Variants in LRRC4C observed in about 807,000 individuals in gnomAD.
LRRC4C encodes leucine rich repeat containing 4C.
Under a neutral mutation model 33.6 loss-of-function variants are expected in LRRC4C, and 5 were observed. That is an observed-to-expected ratio of 0.15 (90% CI 0.08 to 0.31). The LOEUF is 0.31. Among genes scored for constraint, LRRC4C ranks in the 10% least tolerant of loss-of-function variants. LRRC4C has a pLI of 1.00. For missense variants in LRRC4C, 560 were observed against 796.7 expected (o/e 0.70, Z 3.58); for synonymous variants, 329 against 302.0 (o/e 1.09, Z -0.93).
At chr11:40,166,882 CAT>C (rs1404625047) in intron 5 of LRRC4C, among the ~76,000 whole-genome samples, 1 of 152,012 alleles carries the variant, frequency 6.6e-6, no homozygotes, top group African/African-American at 2.4e-5. Flanking sequence ...AGAGATGTAA[CAT>C]GTACATTTTA....
intron 3 of LRRC4C, among the ~76,000 whole-genome samples, chr11:40,581,969 T>C (rs1958488610): frequency 6.6e-6 from 1 of 152,184 alleles, no homozygotes; most frequent in South Asian, 2.1e-4. Flanking sequence ...TGAAGTTTCC[T>C]GAAATTTTAT....
intron 3 of LRRC4C, among the ~76,000 whole-genome samples, chr11:40,594,421 T>C (rs1463697608): frequency 6.6e-6 from 1 of 152,218 alleles, no homozygotes; most frequent in African/African-American, 2.4e-5. Flanking sequence ...CAAGCTTTCA[T>C]TTGATTCCAG....
At chr11:40,437,859 C>T (rs1449209425) in intron 3 of LRRC4C, among the ~76,000 whole-genome samples, 1 of 152,206 alleles carries the variant, frequency 6.6e-6, no homozygotes, top group African/African-American at 2.4e-5. Flanking sequence ...AGGCACATGC[C>T]ACCACGCCTG....
chr11:41,231,207 G>A (rs550592888), intron 1 of LRRC4C, among the ~76,000 whole-genome samples: 1 of 152,212 alleles, frequency 6.6e-6, no homozygotes, highest in African/African-American at 2.4e-5. Flanking sequence ...TCAGTGTGGT[G>A]ATTCCTCAGG....
chr11:40,818,570 G>GTTGTTCC (rs1240439724), intron 2 of LRRC4C, among the ~76,000 whole-genome samples: 5 of 151,798 alleles, frequency 3.3e-5, no homozygotes, highest in Non-Finnish European at 7.4e-5. Context: ...TTTTTGTTCA[G>GTTGTTCC]TTTCTATGAT....
intron 2 of LRRC4C, among the ~76,000 whole-genome samples, chr11:40,838,885 C>T (rs1952794465): frequency 6.6e-6 from 1 of 151,852 alleles, no homozygotes; most frequent in Non-Finnish European, 1.5e-5. Flanking sequence ...CTAATTCCGT[C>T]AACAATTGTT....
At chr11:40,646,707 C>T (rs1486472825) in intron 3 of LRRC4C, among the ~76,000 whole-genome samples, 3 of 152,176 alleles carry the variant, frequency 2.0e-5, no homozygotes. Context: ...TCCGGGTTCA[C>T]GCCATTCTCC....
At chr11:41,402,139 T>C (rs1467028979) in intron 1 of LRRC4C, among the ~76,000 whole-genome samples, 1 of 152,012 alleles carries the variant, frequency 6.6e-6, no homozygotes, top group Admixed American at 6.6e-5. Flanking sequence ...ACAGGGTCCA[T>C]GGGATAAAAT....
chr11:40,796,778 C>G (rs1248245279), intron 2 of LRRC4C, among the ~76,000 whole-genome samples: 1 of 151,328 alleles, frequency 6.6e-6, no homozygotes, highest in East Asian at 2.0e-4. Flanking sequence ...ACATGAGTAA[C>G]TGGGATTACA....
intron 1 of LRRC4C, among the ~76,000 whole-genome samples, chr11:41,280,707 A>G (rs1020453793): frequency 6.6e-6 from 1 of 152,224 alleles, no homozygotes; most frequent in Non-Finnish European, 1.5e-5. Context: ...CTTCTAGTAT[A>G]GAAATGTCAA....
intron 2 of LRRC4C, among the ~76,000 whole-genome samples, chr11:40,753,996 C>T (rs1350442967): frequency 2.0e-5 from 3 of 151,692 alleles, no homozygotes; most frequent in Admixed American, 2.0e-4. Flanking sequence ...TATATATTCA[C>T]TGTATATATA....
chr11:41,410,686 C>T (rs1448863349), intron 1 of LRRC4C, among the ~76,000 whole-genome samples: 2 of 152,022 alleles, frequency 1.3e-5, no homozygotes, highest in Non-Finnish European at 2.9e-5. Flanking sequence ...GTGATCCACC[C>T]GCTTCGGCCT....
intron 2 of LRRC4C, among the ~76,000 whole-genome samples, chr11:40,708,934 C>G (rs1298901974): frequency 1.3e-5 from 2 of 152,150 alleles, no homozygotes; most frequent in African/African-American, 2.4e-5. Flanking sequence ...GTTAGCTCTT[C>G]TTGTTGAATT....
chr11:40,832,511 A>T (rs1347987542), intron 2 of LRRC4C, among the ~76,000 whole-genome samples: 1 of 152,178 alleles, frequency 6.6e-6, no homozygotes, highest in Non-Finnish European at 1.5e-5. Flanking sequence ...TAAATCCCAA[A>T]CTAGAATCTC....
intron 1 of LRRC4C, among the ~76,000 whole-genome samples, chr11:41,371,538 G>T (rs1244046293): frequency 1.3e-5 from 2 of 152,124 alleles, no homozygotes; most frequent in Non-Finnish European, 2.9e-5. Context: ...ACTGGAAGAA[G>T]ACAACCTAAC....
intron 3 of LRRC4C, among the ~76,000 whole-genome samples, chr11:40,330,117 A>T (rs1369828117): frequency 1.3e-5 from 2 of 152,082 alleles, no homozygotes; most frequent in African/African-American, 4.8e-5. Flanking sequence ...TAAATTAATG[A>T]CGAAGAGGTA....
intron 1 of LRRC4C, among the ~76,000 whole-genome samples, chr11:41,100,796 A>G (rs1337990704): frequency 6.6e-6 from 1 of 152,138 alleles, no homozygotes; most frequent in Non-Finnish European, 1.5e-5. Flanking sequence ...AAACTACACT[A>G]CAGGGCTGCA....
intron 1 of LRRC4C, among the ~76,000 whole-genome samples, chr11:41,003,045 G>A (rs565983735): frequency 1.6e-4 from 25 of 152,070 alleles, no homozygotes; most frequent in South Asian, 6.2e-4. Context: ...TTACTTCTCC[G>A]ATGAAAACAT....
At chr11:41,084,277 G>A (rs1262299548) in intron 1 of LRRC4C, among the ~76,000 whole-genome samples, 1 of 152,098 alleles carries the variant, frequency 6.6e-6, no homozygotes, top group Non-Finnish European at 1.5e-5. Context: ...TCAAATGTTG[G>A]CTAGCATTTG....
Sources: allele counts gnomAD v4.1 joint callset (sites outside exome capture counted in the v4.1 genomes callset), GRCh38; gene constraint gnomAD v4.1.1; transcripts MANE v1.5; gene names NCBI Gene and HGNC (gene_info 2026-07-23, HGNC 2026-07-21).